ANKRD30BL: variants seen among roughly 807,000 people sequenced by gnomAD.
The protein encoded by ANKRD30BL is ankyrin repeat domain 30B like, also known as putative ankyrin repeat domain-containing protein 30B-like.
ANKRD30BL carries 20 observed loss-of-function variants against 18.4 expected under a neutral mutation model. The observed-to-expected ratio is 1.09, with a 90% CI of 0.77 to 1.58. ANKRD30BL has a LOEUF of 1.58. ANKRD30BL is among the 40% of genes most tolerant of loss of function. ANKRD30BL has a pLI of 0.00. For missense variants in ANKRD30BL, 224 were observed against 268.6 expected (o/e 0.83, Z 1.16); for synonymous variants, 72 against 100.9 (o/e 0.71, Z 1.72).
intron 1 of ANKRD30BL, among the ~76,000 whole-genome samples, chr2:132,234,664 A>C (rs1437187350): frequency 6.6e-6 from 1 of 152,212 alleles, no homozygotes; most frequent in Admixed American, 6.6e-5. Flanking sequence ...GAATAGACCA[A>C]TAACAGGCTC....
chr2:132,255,803 T>A (rs972575190), intron 1 of ANKRD30BL, among the ~76,000 whole-genome samples: 1 of 152,160 alleles, frequency 6.6e-6, no homozygotes, highest in African/African-American at 2.4e-5. Flanking sequence ...GTGGTCACCA[T>A]GATAGGCACA....
chr2:132,220,513 G>A (rs369525710), intron 1 of ANKRD30BL, among the ~76,000 whole-genome samples: 268 of 152,066 alleles, frequency 1.8e-3, no homozygotes, highest in Middle Eastern at 3.4e-3. Flanking sequence ...GCAGGCGCGC[G>A]TCGCCACGCC....
intron 1 of ANKRD30BL, among the ~76,000 whole-genome samples, chr2:132,185,056 C>T (rs1262679911): frequency 4.6e-5 from 7 of 152,076 alleles, no homozygotes; most frequent in Non-Finnish European, 8.8e-5. Context: ...TCGTGATCCA[C>T]GTGCCTCAGC....
At chr2:132,166,358 G>GA (rs1688186808), upstream of ANKRD30BL, among the ~76,000 whole-genome samples, 1 of 140,666 alleles carries the variant, frequency 7.1e-6, no homozygotes. Context: ...AAAGTCTGTG[G>GA]AAAATTGGTA....
At chr2:132,256,451 G>A (rs1026461167) in intron 1 of ANKRD30BL, among the ~76,000 whole-genome samples, 2 of 152,240 alleles carry the variant, frequency 1.3e-5, no homozygotes, top group African/African-American at 4.8e-5. Context: ...GCAGCCGCGA[G>A]GGACCGGCGG....
At chr2:132,170,813 T>C (rs1343633805) in intron 1 of ANKRD30BL, among the ~76,000 whole-genome samples, 1 of 152,214 alleles carries the variant, frequency 6.6e-6, no homozygotes, top group Non-Finnish European at 1.5e-5. Flanking sequence ...GCTATATAAA[T>C]AATCAGGGTC....
upstream of ANKRD30BL, among the ~76,000 whole-genome samples, chr2:132,165,157 A>T (rs2104936957): frequency 6.6e-6 from 1 of 152,302 alleles, no homozygotes; most frequent in East Asian, 1.9e-4. Context: ...CTTTGGTCCA[A>T]ATAATGCCCA....
chr2:132,241,580 A>G (rs541910820), intron 1 of ANKRD30BL, among the ~76,000 whole-genome samples: 1 of 151,910 alleles, frequency 6.6e-6, no homozygotes, highest in African/African-American at 2.4e-5. Context: ...GAACTCACCC[A>G]GTTGAAGCTT....
At chr2:132,154,594 T>C (rs1687849072) in intron 4 of ANKRD30BL, 68 bp downstream of exon 4, 1 of 538,960 alleles carries the variant, frequency 1.9e-6, no homozygotes, top group Non-Finnish European at 3.4e-6. Context: ...TAATTTAATA[T>C]TTCTGACTTG....
At chr2:132,200,321 G>T (rs1679070037) in intron 1 of ANKRD30BL, among the ~76,000 whole-genome samples, 1 of 151,798 alleles carries the variant, frequency 6.6e-6, no homozygotes, top group South Asian at 2.1e-4. Context: ...AGGAAATAAA[G>T]GGTATTCAAT....
intron 1 of ANKRD30BL, among the ~76,000 whole-genome samples, chr2:132,239,113 T>TA (rs1464604935): frequency 6.6e-6 from 1 of 152,050 alleles, no homozygotes; most frequent in Non-Finnish European, 1.5e-5. Context: ...GCGCCTGTGG[T>TA]AAAAAAGGAA....
chr2:132,242,522 G>T (rs1249727159), intron 1 of ANKRD30BL, among the ~76,000 whole-genome samples: 1 of 147,042 alleles, frequency 6.8e-6, no homozygotes, highest in Non-Finnish European at 1.5e-5. Context: ...TGTGGCCTAT[G>T]GTGAAAAAGG....
chr2:132,147,989 G>A lies in ANKRD30BL; in HGVS notation c.*142C>T, dbSNP rs1687650941. 1.5e-6 allele frequency: 1 copy of A among 666,386 alleles called. No individual in the cohort carries two copies. Among genetic ancestry groups the A allele is most frequent in the Admixed American group, 2.7e-5 (1 of 37,528 alleles). 41.3% of individuals were successfully genotyped at this position (666,386 alleles called of 1,614,324 possible). On this transcript the variant is annotated 3_prime_UTR_variant, in exon 6 of 6. Transcript: ENST00000409867. ...CGAGGAAGTTAAACTTTAAAACGGA[G>A]AACAAAGAACAGAGAAGCTGAACAT...
chr2:132,221,855 C>T (rs1165929651), intron 1 of ANKRD30BL, among the ~76,000 whole-genome samples: 2 of 122,784 alleles, frequency 1.6e-5, no homozygotes, highest in Non-Finnish European at 3.3e-5. Context: ...GCCGCCCCGT[C>T]CGGGAGGGGG....
chr2:132,169,622 G>A lies in ANKRD30BL; in HGVS notation n.442-12476C>T, dbSNP rs533370892. Among the ~76,000 whole-genome samples, 540 of 144,752 alleles carry A rather than the reference G, an allele frequency of 3.7e-3. 1 individual carries two copies. The highest frequency in any genetic ancestry group is 0.014 in the African/African-American group (524 of 38,094). The allele number at this position is 144,752 out of a possible 152,430, so 95.0% of individuals were successfully genotyped here. A position where few individuals can be genotyped will look rare whatever the true frequency, so the allele number is the denominator to read the frequency against. On this transcript the variant is annotated intron_variant and non_coding_transcript_variant, in intron 1 of 4. Coordinates refer to the ANKRD30BL transcript ENST00000470729. ...AGATCGCACCACTGCACTCCAGCCT[G>A]GTGACACAGGGATACTCTGTCTAAA...
chr2:132,213,940 A>G (rs4635575), intron 1 of ANKRD30BL, among the ~76,000 whole-genome samples: 9 of 139,172 alleles, frequency 6.5e-5, no homozygotes, highest in East Asian at 4.6e-4. Flanking sequence ...GAATCTGTAA[A>G]TGGACATTTG....
intron 1 of ANKRD30BL, among the ~76,000 whole-genome samples, chr2:132,174,807 A>C (rs1449067979): frequency 1.3e-5 from 2 of 152,232 alleles, no homozygotes; most frequent in African/African-American, 4.8e-5. Flanking sequence ...GATGTTTAAA[A>C]TATTGTAAGA....
At chr2:132,225,686 T>A (rs1679825416) in intron 1 of ANKRD30BL, among the ~76,000 whole-genome samples, 2 of 151,062 alleles carry the variant, frequency 1.3e-5, no homozygotes, top group African/African-American at 2.4e-5. Context: ...TAGATAGAAG[T>A]TTTTTCCGAA....
rs201020224 is a variant in ANKRD30BL at position 132,192,929 on chromosome 2, G to A, written n.442-35783C>T. Among the ~76,000 whole-genome samples, 57 of 152,332 alleles carry A rather than the reference G, an allele frequency of 3.7e-4. No homozygotes were observed. In the South Asian group the frequency reaches 6.0e-3, roughly 16 times the overall value. Reference sequence around the variant, plus strand: ...AGGAATATAAACAGATTTCTTTGCCGTAGTCAGTGGGTGAATCATCTGGTC... The same window carrying A: ...AGGAATATAAACAGATTTCTTTGCCATAGTCAGTGGGTGAATCATCTGGTC... On this transcript the variant is annotated intron_variant and non_coding_transcript_variant, in intron 1 of 4. Coordinates refer to the ANKRD30BL transcript ENST00000470729.
Sources: allele counts gnomAD v4.1 joint callset (sites outside exome capture counted in the v4.1 genomes callset), GRCh38; gene constraint gnomAD v4.1.1; transcripts MANE v1.5; gene names NCBI Gene and HGNC (gene_info 2026-07-23, HGNC 2026-07-21).